Variants in PET117 observed in about 807,000 individuals in gnomAD.
PET117 encodes PET117 cytochrome c oxidase chaperone.
Under a neutral mutation model 9.2 loss-of-function variants are expected in PET117, and 10 were observed. That is an observed-to-expected ratio of 1.09 (90% CI 0.67 to 1.85). The LOEUF (loss-of-function observed/expected upper bound fraction) is 1.85. Among genes scored for constraint, PET117 ranks in the 40% most tolerant of loss-of-function variants. The pLI is 0.00. For missense variants in PET117, 96 were observed against 98.2 expected, an observed-to-expected ratio of 0.98 and a Z score of 0.09; for synonymous variants, 43 against 37.1, an observed-to-expected ratio of 1.16 and a Z score of -0.57.
intron 1 of PET117, chr20:18,138,480 C>G (rs781251790): frequency 5.3e-5 from 52 of 986,622 alleles, no homozygotes; most frequent in Non-Finnish European, 6.3e-5. Flanking sequence ...ATTCTGCAAG[C>G]TACCAGCCTC....
Position 18,142,195 on chromosome 20 carries a change from C to A in PET117, c.97-13C>A. ...TTCGGGATGTTACTGAAATCTGTTT[C>A]TTACGTTTTTAGAGGCTTCGTGACG... On this transcript the variant is annotated splice_polypyrimidine_tract_variant and intron_variant, in intron 1 of 1. Transcript: ENST00000432901. 5 of 1,535,492 alleles carry A rather than the reference C, an allele frequency of 3.3e-6. No individual in the cohort carries two copies. Among genetic ancestry groups the A allele is most frequent in the Non-Finnish European group, 1.7e-6 (2 of 1,145,800 alleles).
In PET117 at chr20:18,142,219, C is replaced by T. The variant is rs778627140; in HGVS notation, c.108C>T (p.Asp36=). Residue 36 remains aspartate (D), a synonymous_variant, in exon 2 of 2, where the codon GAC becomes GAT. Transcript: ENST00000432901. The part of the protein sequence containing the change: ...KQQWDQQRLR[D]GVIRDIERQI... ...TCTTACGTTTTTAGAGGCTTCGTGACGGAGTTATCAGAGACATTGAGAGGC... is the reference window on the plus strand; with the variant it reads ...TCTTACGTTTTTAGAGGCTTCGTGATGGAGTTATCAGAGACATTGAGAGGC... 45 of 1,536,648 alleles carry T rather than the reference C, an allele frequency of 2.9e-5. No homozygotes were observed. The Admixed American group carries it at 4.1e-4, about 14-fold the overall frequency.
chr20:18,141,661 A>T (rs1303935396), intron 1 of PET117, among the ~76,000 whole-genome samples: 2 of 152,196 alleles, frequency 1.3e-5, no homozygotes, highest in Non-Finnish European at 2.9e-5. Flanking sequence ...AGGCAGGTGG[A>T]TTACTTGAGA....
At position 18,142,927 on chromosome 20, in the gene PET117, G is replaced by A; in HGVS notation, c.*570G>A. ...AAAAATGGATACCAGCCAGTAAGGA[G>A]CTTCTCAATTCCTTTGATTTGTCAA... On this transcript the variant is annotated 3_prime_UTR_variant, in exon 2 of 2. Coordinates refer to ENST00000432901, the MANE Select transcript of PET117 (RefSeq NM_001164811.2). 3 of 1,612,002 alleles carry A rather than the reference G, an allele frequency of 1.9e-6. No homozygotes were observed. Among genetic ancestry groups the A allele is most frequent in the African/African-American group, 2.7e-5 (2 of 75,026 alleles).
intron 1 of PET117, 131 bp from the exon 2 acceptor site, chr20:18,142,072 TTAAAA>T: frequency 1.1e-6 from 1 of 916,662 alleles, no homozygotes; most frequent in East Asian, 2.7e-5. Context: ...GTACAGAAAA[TTAAAA>T]TAGTAACTGG....
intron 1 of PET117, 27 bp downstream of exon 1, chr20:18,138,078 G>C (rs2037361183): frequency 6.9e-7 from 1 of 1,445,446 alleles, no homozygotes; most frequent in Non-Finnish European, 9.1e-7. Flanking sequence ...CGTCTCTTCC[G>C]GGCCCGCGCG....
At chr20:18,141,023 A>ATTTTTTTTTTTT (rs67633205) in intron 1 of PET117, among the ~76,000 whole-genome samples, 6 of 48,760 alleles carry the variant, frequency 1.2e-4, no homozygotes, top group Non-Finnish European at 1.3e-4. Flanking sequence ...ACTCCCTGCA[A>ATTTTTTTTTTTT]TTTTTTTTTT....
chr20:18,140,462 A>T (rs757130109), intron 1 of PET117, among the ~76,000 whole-genome samples: 1 of 152,098 alleles, frequency 6.6e-6, no homozygotes, highest in Non-Finnish European at 1.5e-5. Flanking sequence ...CCACAAACAT[A>T]CGCAGGCCCT....
intron 1 of PET117, chr20:18,138,342 C>T (rs190452502): frequency 9.9e-6 from 11 of 1,109,228 alleles, no homozygotes; most frequent in African/African-American, 1.6e-5. Flanking sequence ...ACAGGCACGG[C>T]ACGCAAGCTT....
chr20:18,138,009 C>T lies in PET117; in HGVS notation c.54C>T (p.Ala18=). 6.7e-7 allele frequency: 1 copy of T among 1,503,416 alleles called. No individual in the cohort carries two copies. Among genetic ancestry groups the T allele is most frequent in the Non-Finnish European group, 8.8e-7 (1 of 1,132,774 alleles). 93.1% of individuals were successfully genotyped at this position (1,503,416 alleles called of 1,614,324 possible). ...GCCTCTCGGTGCTGCTGACGGCGGC[C>T]ACAGTGGCCGGCGTACATGTGAAGC... is the stretch of plus-strand genomic sequence containing the variant. ...VLGLSVLLTA[A]TVAGVHVKQQ... The change falls in exon 1 of 2, where the codon GCC becomes GCT. Residue 18 remains alanine, a synonymous_variant. Transcript: ENST00000432901.
At chr20:18,138,858 A>G (rs894593057) in intron 1 of PET117, among the ~76,000 whole-genome samples, 2 of 152,308 alleles carry the variant, frequency 1.3e-5, no homozygotes, top group Admixed American at 6.5e-5. Flanking sequence ...TTGGGAATAC[A>G]AAGATAAGGA....
Position 18,137,904 on chromosome 20 carries a change from C to A in PET117, c.-52C>A. 6.9e-7 allele frequency: 1 copy of A among 1,449,398 alleles called. No individual in the cohort carries two copies. Among genetic ancestry groups the A allele is most frequent in the Admixed American group, 2.6e-5 (1 of 38,332 alleles). 89.8% of individuals were successfully genotyped at this position (1,449,398 alleles called of 1,614,324 possible). A position where few individuals can be genotyped will look rare whatever the true frequency, so the allele number is the denominator to read the frequency against. ...GGCGGCGGTGCGCACTCTGCGGCGG[C>A]CTCTGCGCCTCGGGCGGGCGGGAGA... On this transcript the variant is annotated 5_prime_UTR_variant, in exon 1 of 2. Transcript: ENST00000432901.
chr20:18,140,763 G>GAA (rs1189532133), intron 1 of PET117, among the ~76,000 whole-genome samples: 1 of 136,756 alleles, frequency 7.3e-6, no homozygotes, highest in Non-Finnish European at 1.5e-5. Flanking sequence ...AGTGAGCTAA[G>GAA]ATCGTGCCAT....
Position 18,142,414 on chromosome 20 carries a change from G to A in PET117, c.*57G>A. 6.6e-7 allele frequency: 1 copy of A among 1,506,556 alleles called. No homozygotes were observed. Among genetic ancestry groups the A allele is most frequent in the Non-Finnish European group, 8.8e-7 (1 of 1,131,114 alleles). The allele number at this position is 1,506,556 out of a possible 1,614,324, so 93.3% of individuals were successfully genotyped here. ...CACGAGTTTGTGTGTGTGTGTTGAT[G>A]GAGAGTAGCTTAGTAGTATCTTCAT... is the stretch of plus-strand genomic sequence containing the variant. On this transcript the variant is annotated 3_prime_UTR_variant, in exon 2 of 2. Coordinates refer to ENST00000432901, the MANE Select transcript of PET117 (RefSeq NM_001164811.2).
At chr20:18,140,638 C>G (rs1350855128) in intron 1 of PET117, among the ~76,000 whole-genome samples, 1 of 151,566 alleles carries the variant, frequency 6.6e-6, no homozygotes, top group Admixed American at 6.6e-5. Context: ...GGTGAAACCC[C>G]GTCTCTACTA....
chr20:18,139,466 C>T (rs1481896706), intron 1 of PET117, among the ~76,000 whole-genome samples: 1 of 152,136 alleles, frequency 6.6e-6, no homozygotes, highest in Non-Finnish European at 1.5e-5. Context: ...GTGACTAAGG[C>T]TTGGTCCCCA....
chr20:18,140,962 ATCC>A (rs2037526813), intron 1 of PET117, among the ~76,000 whole-genome samples: 1 of 145,794 alleles, frequency 6.9e-6, no homozygotes, highest in South Asian at 2.1e-4. Flanking sequence ...GGCTGAGGTG[ATCC>A]TATCACCTCA....
chr20:18,142,243 G>A lies in PET117; in HGVS notation c.132G>A (p.Arg44=). The change falls in exon 2 of 2, where the codon AGG becomes AGA. Residue 44 remains arginine, a synonymous_variant. Transcript: ENST00000432901. ...LRDGVIRDIE[R]QIRKKENIRL... is the part of the protein sequence containing the mutation. ...ACGGAGTTATCAGAGACATTGAGAGGCAAATTCGGAAAAAAGAAAACATTC... is the reference window on the plus strand; with the variant it reads ...ACGGAGTTATCAGAGACATTGAGAGACAAATTCGGAAAAAAGAAAACATTC... 6.5e-7 allele frequency: 1 copy of A among 1,537,102 alleles called. No homozygotes were observed. The highest frequency in any genetic ancestry group is 8.7e-7 in the Non-Finnish European group (1 of 1,146,864).
At chr20:18,140,832 A>AG (rs1194599254) in intron 1 of PET117, among the ~76,000 whole-genome samples, 1 of 149,494 alleles carries the variant, frequency 6.7e-6, no homozygotes, top group Admixed American at 6.7e-5. Flanking sequence ...AAAAAAAAAA[A>AG]AAAACCAATA....
Sources: gnomAD v4.1 joint callset for allele counts (sites outside exome capture counted in the v4.1 genomes callset) on GRCh38, gnomAD v4.1.1 for gene constraint, MANE v1.5 for transcripts, NCBI Gene and HGNC (gene_info 2026-07-23, HGNC 2026-07-21) for gene names.